Variants in HMGCLL1 observed in about 807,000 individuals in gnomAD.
HMGCLL1 encodes the protein 3-hydroxy-3-methylglutaryl-CoA lyase like 1.
A neutral mutation model predicts 39.1 loss-of-function variants in HMGCLL1; 36 were observed. The observed-to-expected ratio is 0.92, with a 90% CI of 0.71 to 1.22. The LOEUF is 1.22. Ranked by LOEUF, HMGCLL1 falls within the 50% of genes most tolerant of loss-of-function variation. The pLI, the probability that HMGCLL1 is intolerant of heterozygous loss-of-function variation, is 0.00. For synonymous variants in HMGCLL1, 149 were observed against 144.0 expected (o/e 1.03, Z -0.25); for missense variants, 451 against 416.5 (o/e 1.08, Z -0.72).
chr6:55,639,191 T>G, the HMGCLL1 span, among the ~76,000 whole-genome samples: 1 of 152,004 alleles, frequency 6.6e-6, no homozygotes, highest in Non-Finnish European at 1.5e-5. Flanking sequence ...TAGTGCCATC[T>G]CAATAAATGT....
the HMGCLL1 span, among the ~76,000 whole-genome samples, chr6:55,631,054 T>G: frequency 1.3e-5 from 2 of 152,150 alleles, no homozygotes; most frequent in Non-Finnish European, 2.9e-5. Flanking sequence ...GGTTTAAATC[T>G]GCTTGGTGTT....
At chr6:55,669,585 G>T in the HMGCLL1 span, among the ~76,000 whole-genome samples, 1 of 151,732 alleles carries the variant, frequency 6.6e-6, no homozygotes, top group Admixed American at 6.6e-5. Context: ...CCTATTATAA[G>T]AATGTTCAAA....
chr6:55,573,492 T>C (rs1287130879), intron 1 of HMGCLL1, among the ~76,000 whole-genome samples: 1 of 152,168 alleles, frequency 6.6e-6, no homozygotes, highest in Non-Finnish European at 1.5e-5. Flanking sequence ...AACTGAAGCC[T>C]ATCTTTTAGA....
At chr6:55,475,885 C>T (rs944218865) in intron 7 of HMGCLL1, among the ~76,000 whole-genome samples, 57 of 151,706 alleles carry the variant, frequency 3.8e-4, no homozygotes, top group Non-Finnish European at 7.1e-4. Context: ...GCTTTTCTCA[C>T]AAATCAGGTG....
chr6:55,507,489 A>T (rs1447949783), intron 5 of HMGCLL1, among the ~76,000 whole-genome samples: 2 of 89,492 alleles, frequency 2.2e-5, no homozygotes, highest in East Asian at 5.5e-4. Flanking sequence ...TTCAGGTAAT[A>T]CTTCATGTTC....
the HMGCLL1 span, among the ~76,000 whole-genome samples, chr6:55,632,038 T>C: frequency 6.6e-6 from 1 of 152,124 alleles, no homozygotes; most frequent in African/African-American, 2.4e-5. Context: ...TGTTTGTTTG[T>C]TTTGCTTTGT....
At chr6:55,471,984 T>C (rs1172827872) in intron 7 of HMGCLL1, among the ~76,000 whole-genome samples, 2 of 151,770 alleles carry the variant, frequency 1.3e-5, no homozygotes. Context: ...TTCAACCATG[T>C]TGTATGTAGC....
chr6:55,620,987 T>C, the HMGCLL1 span, among the ~76,000 whole-genome samples: 1 of 151,978 alleles, frequency 6.6e-6, no homozygotes, highest in Admixed American at 6.6e-5. Context: ...TCTATAGGTC[T>C]GTTTTTATGC....
Position 55,435,436 on chromosome 6 carries a change from A to C in HMGCLL1, c.*226T>G. The C allele has an allele frequency of 2.8e-6, 1 of 363,102 alleles. No homozygotes were observed. The highest frequency in any genetic ancestry group is 5.0e-6 in the Non-Finnish European group (1 of 201,420). 22.5% of individuals were successfully genotyped at this position (363,102 alleles called of 1,614,324 possible). A position where few individuals can be genotyped will look rare whatever the true frequency, so the allele number is the denominator to read the frequency against. The stretch of plus-strand genomic sequence containing the variant: ...AAAGAAACTTTTTTCCAAGTTCAAA[A>C]TTATGACAAGTTTTATTATTTATCC... On this transcript the variant is annotated 3_prime_UTR_variant, in exon 9 of 9. Transcript: ENST00000274901.
the HMGCLL1 span, among the ~76,000 whole-genome samples, chr6:55,651,965 G>A: frequency 2.0e-5 from 3 of 152,044 alleles, no homozygotes; most frequent in African/African-American, 7.2e-5. Context: ...CTGCAGGGAG[G>A]ATGAAGGAGG....
At chr6:55,437,287 G>A (rs1763410826) in intron 8 of HMGCLL1, among the ~76,000 whole-genome samples, 1 of 151,866 alleles carries the variant, frequency 6.6e-6, no homozygotes, top group African/African-American at 2.4e-5. Flanking sequence ...GTAGAATGTG[G>A]TTTCTGCCTT....
At chr6:55,455,123 A>C (rs4715552) in intron 7 of HMGCLL1, among the ~76,000 whole-genome samples, 71,818 of 151,748 alleles carry the variant, frequency 0.47, 18,159 homozygotes, top group African/African-American at 0.66. Context: ...AAATAAAAAT[A>C]AAAAAGTATA....
chr6:55,655,629 T>C, the HMGCLL1 span, among the ~76,000 whole-genome samples: 2 of 151,922 alleles, frequency 1.3e-5, no homozygotes, highest in African/African-American at 4.8e-5. Context: ...ACATATTGAA[T>C]GAAATATGTA....
the HMGCLL1 span, among the ~76,000 whole-genome samples, chr6:55,654,239 C>T: frequency 2.4e-4 from 36 of 151,724 alleles, no homozygotes; most frequent in Admixed American, 2.2e-3. Flanking sequence ...GAGGAGGACA[C>T]TGAACTGACT....
intron 7 of HMGCLL1, among the ~76,000 whole-genome samples, chr6:55,460,156 A>T (rs1026503974): frequency 7.9e-5 from 12 of 151,962 alleles, no homozygotes; most frequent in African/African-American, 2.9e-4. Context: ...TGCCTCTGTA[A>T]TATATAGCTG....
At chr6:55,535,450 A>G (rs746310240) in intron 3 of HMGCLL1, among the ~76,000 whole-genome samples, 1 of 152,218 alleles carries the variant, frequency 6.6e-6, no homozygotes, top group Non-Finnish European at 1.5e-5. Context: ...GAAGACCCAC[A>G]GTTGCTGAGT....
At chr6:55,661,889 T>A in the HMGCLL1 span, among the ~76,000 whole-genome samples, 1 of 152,106 alleles carries the variant, frequency 6.6e-6, no homozygotes, top group South Asian at 2.1e-4. Flanking sequence ...TCTGATTTCT[T>A]TGAGCAGTGG....
intron 3 of HMGCLL1, among the ~76,000 whole-genome samples, chr6:55,516,978 GA>G (rs889039685): frequency 2.6e-5 from 4 of 152,050 alleles, no homozygotes; most frequent in African/African-American, 7.2e-5. Context: ...CCATACACAT[GA>G]AAATTTTATG....
chr6:55,657,507 T>A, the HMGCLL1 span, among the ~76,000 whole-genome samples: 1 of 151,908 alleles, frequency 6.6e-6, no homozygotes, highest in Non-Finnish European at 1.5e-5. Context: ...AGTGTGTGGT[T>A]TTGCTTCTGA....
Sources: gnomAD v4.1 joint callset for allele counts (sites outside exome capture counted in the v4.1 genomes callset) on GRCh38, gnomAD v4.1.1 for gene constraint, MANE v1.5 for transcripts, NCBI Gene and HGNC (gene_info 2026-07-23, HGNC 2026-07-21) for gene names.